The following PLCB1 variants were observed in gnomAD, a reference collection of about 807,000 sequenced individuals.
The protein encoded by PLCB1 is 1-phosphatidylinositol 4,5-bisphosphate phosphodiesterase beta-1.
PLCB1 carries 46 observed loss-of-function variants against 161.8 expected under a neutral mutation model. The observed-to-expected ratio is 0.28, with a 90% CI of 0.22 to 0.36. The LOEUF (loss-of-function observed/expected upper bound fraction) is 0.36. Ranked by LOEUF, PLCB1 falls within the 10% of genes least tolerant of loss-of-function variation. PLCB1 has a pLI of 1.00. For missense variants in PLCB1, 1,016 were observed against 1,472.5 expected, an observed-to-expected ratio of 0.69 and a Z score of 5.07; for synonymous variants, 517 against 503.7, an observed-to-expected ratio of 1.03 and a Z score of -0.35.
At chr20:8,592,675 T>C (rs1047723465) in intron 3 of PLCB1, among the ~76,000 whole-genome samples, 15 of 152,058 alleles carry the variant, frequency 9.9e-5, no homozygotes, top group African/African-American at 1.5e-4. Context: ...TGATCAGGAG[T>C]GGAATTTTCC....
chr20:8,415,077 G>A (rs529464346), intron 3 of PLCB1, among the ~76,000 whole-genome samples: 10 of 152,356 alleles, frequency 6.6e-5, no homozygotes, highest in African/African-American at 2.4e-4. Flanking sequence ...AATATTAGCA[G>A]TGTGTTCATT....
chr20:8,402,456 A>G (rs1158337131), intron 3 of PLCB1, among the ~76,000 whole-genome samples: 1 of 152,070 alleles, frequency 6.6e-6, no homozygotes, highest in Non-Finnish European at 1.5e-5. Flanking sequence ...TTTTATTTAC[A>G]TTTCTAACCA....
At chr20:8,576,650 T>C (rs925576824) in intron 3 of PLCB1, among the ~76,000 whole-genome samples, 3 of 152,216 alleles carry the variant, frequency 2.0e-5, no homozygotes, top group Admixed American at 2.0e-4. Flanking sequence ...ATATAATTTG[T>C]TACTCATCTC....
intron 2 of PLCB1, among the ~76,000 whole-genome samples, chr20:8,236,974 G>C (rs1454206101): frequency 6.6e-6 from 1 of 151,978 alleles, no homozygotes; most frequent in Non-Finnish European, 1.5e-5. Context: ...AAGTTCCAGT[G>C]GTTGACAGTG....
At chr20:8,412,352 A>T (rs1296397117) in intron 3 of PLCB1, among the ~76,000 whole-genome samples, 1 of 152,114 alleles carries the variant, frequency 6.6e-6, no homozygotes, top group Non-Finnish European at 1.5e-5. Flanking sequence ...GATGTACACA[A>T]CCCCCTACTT....
At chr20:8,631,231 G>T (rs1434263695) in intron 4 of PLCB1, among the ~76,000 whole-genome samples, 1 of 152,174 alleles carries the variant, frequency 6.6e-6, no homozygotes, top group South Asian at 2.1e-4. Flanking sequence ...CTGGTCCCAG[G>T]TGATGCTAAT....
At chr20:8,289,267 A>C (rs1184643282) in intron 2 of PLCB1, among the ~76,000 whole-genome samples, 1 of 152,200 alleles carries the variant, frequency 6.6e-6, no homozygotes, top group Admixed American at 6.5e-5. Flanking sequence ...AGCACTTGAC[A>C]TGGACTAAAG....
intron 2 of PLCB1, among the ~76,000 whole-genome samples, chr20:8,253,171 A>G (rs1199660771): frequency 6.6e-6 from 1 of 151,232 alleles, no homozygotes; most frequent in Non-Finnish European, 1.5e-5. Flanking sequence ...TGGCCCACTC[A>G]CCAAGCTGGA....
At chr20:8,559,671 T>C (rs1393064645) in intron 3 of PLCB1, among the ~76,000 whole-genome samples, 1 of 151,998 alleles carries the variant, frequency 6.6e-6, no homozygotes, top group Non-Finnish European at 1.5e-5. Flanking sequence ...GCTATACTAA[T>C]ATCAGTCAAA....
intron 14 of PLCB1, among the ~76,000 whole-genome samples, chr20:8,718,507 C>A (rs1979457458): frequency 6.6e-6 from 1 of 152,182 alleles, no homozygotes; most frequent in South Asian, 2.1e-4. Context: ...TGGCTTGGGG[C>A]TCCTTCCAGC....
chr20:8,758,936 G>A (rs1981877934), intron 24 of PLCB1, among the ~76,000 whole-genome samples: 1 of 152,174 alleles, frequency 6.6e-6, no homozygotes, highest in Admixed American at 6.5e-5. Flanking sequence ...AGTAACATTG[G>A]CATGATACTC....
At chr20:8,244,128 T>C (rs1051575649) in intron 2 of PLCB1, among the ~76,000 whole-genome samples, 38 of 151,950 alleles carry the variant, frequency 2.5e-4, no homozygotes, top group African/African-American at 8.0e-4. Flanking sequence ...GGCAAAGATA[T>C]AGATAACGAG....
chr20:8,480,162 G>A (rs936541891), intron 3 of PLCB1, among the ~76,000 whole-genome samples: 1 of 152,156 alleles, frequency 6.6e-6, no homozygotes, highest in East Asian at 1.9e-4. Flanking sequence ...GGTTAGCAGG[G>A]TCAGGCAGTT....
chr20:8,612,932 G>T (rs1987943057), intron 3 of PLCB1, among the ~76,000 whole-genome samples: 1 of 152,154 alleles, frequency 6.6e-6, no homozygotes, highest in Non-Finnish European at 1.5e-5. Flanking sequence ...CCACATTTCA[G>T]TGTTACCCTT....
At chr20:8,458,044 C>G (rs946858628) in intron 3 of PLCB1, among the ~76,000 whole-genome samples, 1 of 152,290 alleles carries the variant, frequency 6.6e-6, no homozygotes, top group East Asian at 1.9e-4. Context: ...AAACAAAGAG[C>G]AGGTTCCAGG....
intron 31 of PLCB1, among the ~76,000 whole-genome samples, chr20:8,876,752 A>G (rs1987795076): frequency 1.3e-5 from 2 of 152,190 alleles, no homozygotes; most frequent in South Asian, 4.1e-4. Flanking sequence ...TATATCTGAT[A>G]GTCAATTGAA....
At chr20:8,149,539 A>C (rs907092071) in intron 1 of PLCB1, among the ~76,000 whole-genome samples, 16 of 152,168 alleles carry the variant, frequency 1.1e-4, no homozygotes, top group African/African-American at 3.9e-4. Context: ...CTGGCAATTT[A>C]TGTCTCTCTA....
chr20:8,473,491 C>T (rs1982144310), intron 3 of PLCB1, among the ~76,000 whole-genome samples: 1 of 152,116 alleles, frequency 6.6e-6, no homozygotes, highest in Non-Finnish European at 1.5e-5. Flanking sequence ...TTTATATCTC[C>T]TGAATCTCCT....
intron 3 of PLCB1, among the ~76,000 whole-genome samples, chr20:8,403,272 T>C (rs1009575010): frequency 6.6e-6 from 1 of 152,086 alleles, no homozygotes; most frequent in Non-Finnish European, 1.5e-5. Flanking sequence ...CCTAAGGCTT[T>C]GAGGGGCTGA....
Sources: allele counts gnomAD v4.1 joint callset (sites outside exome capture counted in the v4.1 genomes callset), GRCh38; gene constraint gnomAD v4.1.1; transcripts MANE v1.5; gene names NCBI Gene and HGNC (gene_info 2026-07-23, HGNC 2026-07-21).